FBXL17: variants seen among roughly 807,000 people sequenced by gnomAD.
The protein encoded by FBXL17 is F-box and leucine rich repeat protein 17, also known as F-box/LRR-repeat protein 17.
Under a neutral mutation model 66.2 loss-of-function variants are expected in FBXL17, and 22 were observed. The ratio of observed to expected loss-of-function variants is 0.33; its 90% CI spans 0.24 to 0.47. The LOEUF (loss-of-function observed/expected upper bound fraction) is 0.47, where lower values mean the gene tolerates loss of function less well. FBXL17 is among the 20% of genes least tolerant of loss of function. The pLI, the probability that FBXL17 is intolerant of heterozygous loss-of-function variation, is 1.00. For synonymous variants in FBXL17, 474 were observed against 400.5 expected, an observed-to-expected ratio of 1.18 and a Z score of -2.19; for missense variants, 878 against 948.2, an observed-to-expected ratio of 0.93 and a Z score of 0.97.
intron 6 of FBXL17, among the ~76,000 whole-genome samples, chr5:108,107,904 A>C (rs1176152862): frequency 6.6e-6 from 1 of 152,148 alleles, no homozygotes; most frequent in East Asian, 1.9e-4. Flanking sequence ...TTGCACCTAG[A>C]ATAAAATCCA....
At chr5:107,966,288 G>A (rs1278307812) in intron 7 of FBXL17, among the ~76,000 whole-genome samples, 1 of 151,988 alleles carries the variant, frequency 6.6e-6, no homozygotes, top group Non-Finnish European at 1.5e-5. Context: ...GAAGGGGCTG[G>A]GATATTACAT....
intron 4 of FBXL17, among the ~76,000 whole-genome samples, chr5:108,276,892 T>C (rs1757503310): frequency 6.6e-6 from 1 of 152,128 alleles, no homozygotes; most frequent in African/African-American, 2.4e-5. Flanking sequence ...CCATAAAACA[T>C]AAGCCAATGC....
intron 6 of FBXL17, among the ~76,000 whole-genome samples, chr5:108,155,577 A>G (rs999314784): frequency 1.3e-5 from 2 of 152,164 alleles, no homozygotes; most frequent in Non-Finnish European, 2.9e-5. Flanking sequence ...TAGGAGGGGT[A>G]AAACTCTCTG....
chr5:108,056,138 C>A (rs750285265), intron 6 of FBXL17, among the ~76,000 whole-genome samples: 1 of 152,142 alleles, frequency 6.6e-6, no homozygotes. Flanking sequence ...TTCTTTTATA[C>A]CCTACACACA....
intron 8 of FBXL17, among the ~76,000 whole-genome samples, chr5:107,872,588 G>C (rs374467869): frequency 6.6e-6 from 1 of 152,130 alleles, no homozygotes; most frequent in Non-Finnish European, 1.5e-5. Flanking sequence ...ATACATATTT[G>C]TCTAGCAACT....
chr5:108,272,059 G>T (rs904214258), intron 4 of FBXL17, among the ~76,000 whole-genome samples: 1 of 152,180 alleles, frequency 6.6e-6, no homozygotes, highest in African/African-American at 2.4e-5. Flanking sequence ...GGGAGGCCGA[G>T]ATGGGAGGAT....
At chr5:108,063,380 G>C (rs1747999174) in intron 6 of FBXL17, among the ~76,000 whole-genome samples, 1 of 152,106 alleles carries the variant, frequency 6.6e-6, no homozygotes, top group Non-Finnish European at 1.5e-5. Context: ...CCAAGGATTT[G>C]GTCTCATATT....
chr5:108,150,829 CTGCT>C (rs1751745499), intron 6 of FBXL17, among the ~76,000 whole-genome samples: 2 of 152,190 alleles, frequency 1.3e-5, no homozygotes, highest in Non-Finnish European at 2.9e-5. Flanking sequence ...ACTGATTAAG[CTGCT>C]ATCTGCTGGA....
intron 8 of FBXL17, among the ~76,000 whole-genome samples, chr5:107,874,336 G>T (rs930919109): frequency 6.6e-6 from 1 of 152,158 alleles, no homozygotes; most frequent in Non-Finnish European, 1.5e-5. Flanking sequence ...TTCCAGAGCA[G>T]GTATGTATAT....
intron 4 of FBXL17, among the ~76,000 whole-genome samples, chr5:108,267,829 T>C (rs1056409459): frequency 2.0e-5 from 3 of 152,084 alleles, no homozygotes; most frequent in Non-Finnish European, 4.4e-5. Context: ...GAAGGCCTCC[T>C]TGGGGAAGTG....
At chr5:107,876,333 T>G (rs1203345099) in intron 8 of FBXL17, among the ~76,000 whole-genome samples, 4 of 152,066 alleles carry the variant, frequency 2.6e-5, no homozygotes. Flanking sequence ...AAATGAACAG[T>G]GTATAAAATT....
intron 4 of FBXL17, among the ~76,000 whole-genome samples, chr5:108,341,491 C>A (rs1182810823): frequency 2.6e-5 from 4 of 152,140 alleles, no homozygotes; most frequent in African/African-American, 9.7e-5. Context: ...ATGTTAACAA[C>A]TGTCAATTTA....
At position 108,062,409 on chromosome 5, in the gene FBXL17, T is replaced by C. The variant is rs117137976; in HGVS notation, c.1746-41408A>G. Reference sequence around the variant, plus strand: ...GAAATCCATCCATGCAAAATTCATATCTTTAATAGTATAGATATCAATTAA... The same window carrying C: ...GAAATCCATCCATGCAAAATTCATACCTTTAATAGTATAGATATCAATTAA... On this transcript the variant is annotated intron_variant, in intron 6 of 8. Coordinates refer to ENST00000542267, the MANE Select transcript of FBXL17 (RefSeq NM_001163315.3). Among the ~76,000 whole-genome samples, 123 of 152,272 alleles carry C rather than the reference T, an allele frequency of 8.1e-4. 3 individuals are homozygous for C. The East Asian group carries it at 0.021, about 26-fold the overall frequency.
chr5:107,933,852 T>C (rs1287379491), intron 7 of FBXL17, among the ~76,000 whole-genome samples: 1 of 152,060 alleles, frequency 6.6e-6, no homozygotes, highest in African/African-American at 2.4e-5. Context: ...AAAACATAGA[T>C]AGGGATTGGG....
chr5:108,266,517 T>G (rs998601535), intron 4 of FBXL17, among the ~76,000 whole-genome samples: 1 of 152,110 alleles, frequency 6.6e-6, no homozygotes, highest in African/African-American at 2.4e-5. Flanking sequence ...AGTGCTTATG[T>G]TGAAGTAACT....
chr5:108,200,693 A>G (rs972684457), intron 5 of FBXL17, among the ~76,000 whole-genome samples: 15 of 65,058 alleles, frequency 2.3e-4, no homozygotes, highest in African/African-American at 4.3e-4. Flanking sequence ...CTTTTTCTTG[A>G]AAAAAAAAAA....
At chr5:108,000,131 G>A (rs1316064794) in intron 7 of FBXL17, among the ~76,000 whole-genome samples, 1 of 152,146 alleles carries the variant, frequency 6.6e-6, no homozygotes, top group Non-Finnish European at 1.5e-5. Context: ...CTCCCTTCTA[G>A]ATTTGCTGTG....
At chr5:108,216,025 G>A (rs537836633) in intron 5 of FBXL17, among the ~76,000 whole-genome samples, 35 of 152,158 alleles carry the variant, frequency 2.3e-4, no homozygotes, top group African/African-American at 8.2e-4. Context: ...TTTATTTCTG[G>A]ACGCTCGATC....
chr5:108,012,984 A>G (rs1754236816), intron 7 of FBXL17, among the ~76,000 whole-genome samples: 1 of 140,602 alleles, frequency 7.1e-6, no homozygotes, highest in South Asian at 2.3e-4. Flanking sequence ...ATTGCATTCC[A>G]GTCTGGGTAA....
Sources: gnomAD v4.1 joint callset for allele counts (sites outside exome capture counted in the v4.1 genomes callset) on GRCh38, gnomAD v4.1.1 for gene constraint, MANE v1.5 for transcripts, NCBI Gene and HGNC (gene_info 2026-07-23, HGNC 2026-07-21) for gene names.